Variants in RFX7 observed in about 807,000 individuals in gnomAD.
RFX7 encodes regulatory factor X7.
RFX7 carries 26 observed loss-of-function variants against 111.8 expected under a neutral mutation model. That is an observed-to-expected ratio of 0.23 (90% confidence interval 0.17 to 0.32). RFX7 has a LOEUF of 0.32. RFX7 is among the 10% of genes least tolerant of loss of function. The pLI, the probability that RFX7 is intolerant of heterozygous loss-of-function variation, is 1.00. For synonymous variants in RFX7, 624 were observed against 624.4 expected (o/e 1.00, Z 0.01); for missense variants, 1,573 against 1,772.9 (o/e 0.89, Z 2.02).
chr15:56,181,234 C>A (rs1229494093), intron 2 of RFX7, among the ~76,000 whole-genome samples: 9 of 152,196 alleles, frequency 5.9e-5, no homozygotes, highest in Admixed American at 1.3e-4. Flanking sequence ...CAGGAGTGGG[C>A]CCTGCACTGG....
Position 56,243,827 on chromosome 15 carries a change from G to A in RFX7, c.-385C>T, listed in dbSNP as rs2043760171. ...GCCGCTCGCTCCCGGCCCCGCCGCC[G>A]CCGCGGCCGCCGCTGCCCTGCCAGC... On this transcript the variant is annotated 5_prime_UTR_variant, in exon 1 of 10. Transcript: ENST00000559447. 6.8e-6 allele frequency among the ~76,000 whole-genome samples: 1 copy of A among 147,208 alleles called. No individual in the cohort carries two copies. The highest frequency in any genetic ancestry group is 2.1e-4 in the South Asian group (1 of 4,828).
At chr15:56,226,350 G>T (rs969281483) in intron 2 of RFX7, among the ~76,000 whole-genome samples, 15 of 152,126 alleles carry the variant, frequency 9.9e-5, no homozygotes, top group Admixed American at 9.8e-4. Flanking sequence ...TTAATTAAAA[G>T]AGTAAAAGGA....
intron 2 of RFX7, among the ~76,000 whole-genome samples, chr15:56,200,636 T>A (rs1362154463): frequency 6.6e-6 from 1 of 151,834 alleles, no homozygotes; most frequent in African/African-American, 2.4e-5. Flanking sequence ...CTGTCTCTAC[T>A]AAAAATACAA....
chr15:56,239,817 T>C (rs555505666), intron 2 of RFX7, among the ~76,000 whole-genome samples: 4 of 152,114 alleles, frequency 2.6e-5, no homozygotes, highest in Non-Finnish European at 5.9e-5. Flanking sequence ...CTCAATCCTA[T>C]TTTTTCCACA....
At chr15:56,214,866 G>GT (rs2043348315) in intron 2 of RFX7, among the ~76,000 whole-genome samples, 1 of 151,820 alleles carries the variant, frequency 6.6e-6, no homozygotes, top group Non-Finnish European at 1.5e-5. Context: ...CATTATCTTC[G>GT]TAATTCTGTG....
intron 2 of RFX7, among the ~76,000 whole-genome samples, chr15:56,181,865 C>G (rs1411680260): frequency 1.3e-5 from 2 of 152,142 alleles, no homozygotes; most frequent in African/African-American, 4.8e-5. Flanking sequence ...CGGGGCCACA[C>G]AGCAGGAGGT....
In RFX7 at chr15:56,243,717, C is replaced by T. The variant is rs1455724685; in HGVS notation, c.-275G>A. ...TGGCGGCCAAGCCTTCCTTCCTTGT[C>T]CCCGGGGCTTTCTACTGCCGGGTCC... On this transcript the variant is annotated 5_prime_UTR_variant, in exon 1 of 10. Transcript: ENST00000559447. 6.6e-6 allele frequency among the ~76,000 whole-genome samples: 1 copy of T among 151,626 alleles called. No homozygotes were observed. Among genetic ancestry groups the T allele is most frequent in the East Asian group, 1.9e-4 (1 of 5,130 alleles).
intron 2 of RFX7, among the ~76,000 whole-genome samples, chr15:56,189,070 C>T (rs1468783187): frequency 1.3e-5 from 2 of 152,142 alleles, no homozygotes; most frequent in African/African-American, 4.8e-5. Flanking sequence ...CCGCCCATCT[C>T]GGCCTCCCAA....
At chr15:56,211,745 T>G (rs775227126) in intron 2 of RFX7, among the ~76,000 whole-genome samples, 1 of 152,114 alleles carries the variant, frequency 6.6e-6, no homozygotes. Context: ...TCACCGAAGA[T>G]GTACAGATGG....
intron 3 of RFX7, among the ~76,000 whole-genome samples, chr15:56,163,995 T>C (rs2042754649): frequency 6.6e-6 from 1 of 151,994 alleles, no homozygotes; most frequent in Admixed American, 6.6e-5. Context: ...CAGTAGAACA[T>C]AGGTAAGAAA....
Position 56,115,135 on chromosome 15 carries a change from G to A in RFX7, c.402-11465C>T, listed in dbSNP as rs552912517. Among the ~76,000 whole-genome samples, 16 of 152,110 alleles carry A rather than the reference G, an allele frequency of 1.1e-4. No individual in the cohort carries two copies. In the South Asian group the frequency reaches 3.1e-3, roughly 30 times the overall value. On this transcript the variant is annotated intron_variant, in intron 5 of 9. Transcript: ENST00000559447. Reference sequence around the variant, plus strand: ...AGCAATTCTCCTGCCTCAGCCTCCCGAGTAGCTGGGATTATAAGCGCCCAC... The same window carrying A: ...AGCAATTCTCCTGCCTCAGCCTCCCAAGTAGCTGGGATTATAAGCGCCCAC...
chr15:56,142,971 T>A (rs2042421812), intron 4 of RFX7, 71 bp from the exon 5 acceptor site: 4 of 1,541,026 alleles, frequency 2.6e-6, no homozygotes, highest in Non-Finnish European at 3.5e-6. Flanking sequence ...TAGGCCTAAA[T>A]GTTCCACTAA....
Position 56,094,748 on chromosome 15 carries a change from A to C in RFX7, c.2980T>G (p.Leu994Val), listed in dbSNP as rs1364146397. The part of the protein sequence containing the change: ...LAQTTPVDSA[L>V]GSSRHTPIGT... Reference sequence around the variant, plus strand: ...ATGGGTGTATGTCGGCTACTTCCTAAAGCACTATCCACAGGTGTAGTCTGG... The same window carrying C: ...ATGGGTGTATGTCGGCTACTTCCTACAGCACTATCCACAGGTGTAGTCTGG... The change falls in exon 10 of 10, where the codon TTA (leucine) becomes GTA (valine). Residue 994 changes from leucine to valine, a missense_variant. This residue lies in a region of RFX7 where 625 missense variants were observed against 632.2 expected (regional missense o/e 0.99). Transcript: ENST00000559447. The C allele has an allele frequency of 1.9e-6, 3 of 1,613,642 alleles. No homozygotes were observed. Among genetic ancestry groups the C allele is most frequent in the South Asian group, 2.2e-5 (2 of 91,004 alleles).
At chr15:56,183,513 C>G (rs2042999873) in intron 2 of RFX7, among the ~76,000 whole-genome samples, 2 of 152,044 alleles carry the variant, frequency 1.3e-5, no homozygotes, top group South Asian at 4.1e-4. Flanking sequence ...TTTTATTATA[C>G]TAAATTTCTG....
At chr15:56,162,026 T>C (rs1187747371) in intron 3 of RFX7, among the ~76,000 whole-genome samples, 3 of 152,070 alleles carry the variant, frequency 2.0e-5, no homozygotes, top group Non-Finnish European at 4.4e-5. Context: ...CTGTGTGCTA[T>C]TTGAAAAGAT....
At chr15:56,143,177 G>C (rs8025379) in intron 4 of RFX7, among the ~76,000 whole-genome samples, 1 of 152,102 alleles carries the variant, frequency 6.6e-6, no homozygotes, top group Non-Finnish European at 1.5e-5. Context: ...CTTTAAGTGG[G>C]TATCTGCTCA....
intron 3 of RFX7, among the ~76,000 whole-genome samples, chr15:56,146,659 T>C (rs1364123133): frequency 2.0e-5 from 3 of 152,118 alleles, no homozygotes; most frequent in Non-Finnish European, 4.4e-5. Flanking sequence ...AAATTAGTAT[T>C]AAGCACCAAA....
chr15:56,208,457 A>G (rs577701512), intron 2 of RFX7, among the ~76,000 whole-genome samples: 5 of 152,308 alleles, frequency 3.3e-5, no homozygotes, highest in East Asian at 3.9e-4. Context: ...CCACATTACT[A>G]AAGGCCTATT....
intron 3 of RFX7, 27 bp from the exon 4 acceptor site, chr15:56,144,510 A>G (rs777619952): frequency 9.4e-5 from 120 of 1,281,456 alleles, no homozygotes; most frequent in Non-Finnish European, 1.3e-4. Flanking sequence ...AAAAAGAAAG[A>G]TCATTTTTAA....
Sources: gnomAD v4.1 joint callset for allele counts (sites outside exome capture counted in the v4.1 genomes callset) on GRCh38, gnomAD v4.1.1 for gene constraint, gnomAD v4.1.1 regional missense constraint, MANE v1.5 for transcripts, NCBI Gene and HGNC (gene_info 2026-07-23, HGNC 2026-07-21) for gene names.